The following PKN2 variants were observed in gnomAD, a reference collection of about 807,000 sequenced individuals.
The protein encoded by PKN2 is protein kinase N2.
PKN2 carries 38 observed loss-of-function variants against 119.1 expected under a neutral mutation model. That is an observed-to-expected ratio of 0.32 (90% CI 0.25 to 0.42). The LOEUF (loss-of-function observed/expected upper bound fraction) is 0.42. PKN2 is among the 10% of genes least tolerant of loss of function. The pLI is 1.00. For missense variants in PKN2, 850 were observed against 1,165.1 expected (o/e 0.73, Z 3.94); for synonymous variants, 390 against 384.9 (o/e 1.01, Z -0.15).
At chr1:88,735,562 G>T (rs1466761957) in intron 1 of PKN2, among the ~76,000 whole-genome samples, 1 of 146,420 alleles carries the variant, frequency 6.8e-6, no homozygotes, top group Non-Finnish European at 1.5e-5. Context: ...TATTTCTAAA[G>T]GATAGCTGTG....
chr1:88,793,404 ATATT>A (rs1308742242), intron 8 of PKN2, among the ~76,000 whole-genome samples: 1 of 152,114 alleles, frequency 6.6e-6, no homozygotes, highest in Non-Finnish European at 1.5e-5. Flanking sequence ...AGATTCCAGT[ATATT>A]TATTGAAAAA....
intron 1 of PKN2, among the ~76,000 whole-genome samples, chr1:88,685,879 T>G (rs1666074183): frequency 6.6e-6 from 1 of 152,222 alleles, no homozygotes; most frequent in South Asian, 2.1e-4. Flanking sequence ...CTTTATAAGT[T>G]TGGTTTCTTG....
At chr1:88,692,497 G>T (rs529802841) in intron 1 of PKN2, among the ~76,000 whole-genome samples, 1 of 152,270 alleles carries the variant, frequency 6.6e-6, no homozygotes, top group South Asian at 2.1e-4. Context: ...TGAAATAAAA[G>T]ATCCTTTGGT....
intron 1 of PKN2, among the ~76,000 whole-genome samples, chr1:88,700,479 A>G (rs1666728546): frequency 6.6e-6 from 1 of 152,142 alleles, no homozygotes; most frequent in African/African-American, 2.4e-5. Context: ...TAAGATCCCT[A>G]TTTTAGAATC....
intron 8 of PKN2, among the ~76,000 whole-genome samples, chr1:88,798,622 C>T (rs1226373443): frequency 6.6e-6 from 1 of 151,788 alleles, no homozygotes; most frequent in African/African-American, 2.4e-5. Context: ...GCCCAGAATA[C>T]AACACAAAAA....
chr1:88,688,538 A>G (rs1365922328), intron 1 of PKN2, among the ~76,000 whole-genome samples: 2 of 152,238 alleles, frequency 1.3e-5, no homozygotes, highest in Non-Finnish European at 2.9e-5. Flanking sequence ...TGTAACAAGG[A>G]AAAATGATTT....
chr1:88,816,471 T>A (rs757365066), intron 16 of PKN2, among the ~76,000 whole-genome samples: 16 of 152,048 alleles, frequency 1.1e-4, no homozygotes, highest in Non-Finnish European at 2.2e-4. Flanking sequence ...GGTCTCAAAC[T>A]CCTGACCTCA....
chr1:88,717,724 G>A (rs1426786574), intron 1 of PKN2, among the ~76,000 whole-genome samples: 3 of 151,886 alleles, frequency 2.0e-5, no homozygotes, highest in Non-Finnish European at 2.9e-5. Flanking sequence ...TAGCTTCCTT[G>A]CGATGGGTTC....
chr1:88,801,979 A>G (rs1671329705), intron 8 of PKN2, among the ~76,000 whole-genome samples: 1 of 152,242 alleles, frequency 6.6e-6, no homozygotes, highest in African/African-American at 2.4e-5. Flanking sequence ...GAGGAAGAGG[A>G]AGTTGCTTAT....
At chr1:88,752,660 A>G (rs1195500299) in intron 2 of PKN2, among the ~76,000 whole-genome samples, 1 of 152,114 alleles carries the variant, frequency 6.6e-6, no homozygotes, top group African/African-American at 2.4e-5. Flanking sequence ...ACTTACCTGT[A>G]ATCTTTCTGT....
chr1:88,795,901 C>T (rs183204565), intron 8 of PKN2, among the ~76,000 whole-genome samples: 7 of 152,286 alleles, frequency 4.6e-5, no homozygotes, highest in Non-Finnish European at 7.4e-5. Context: ...TCTCACACAG[C>T]GCTGCAAGGT....
chr1:88,798,012 G>T (rs1468659365), intron 8 of PKN2, among the ~76,000 whole-genome samples: 2 of 151,880 alleles, frequency 1.3e-5, no homozygotes, highest in Admixed American at 6.6e-5. Flanking sequence ...ATTTTAAGAA[G>T]AATTTTTAAA....
At chr1:88,685,439 C>A (rs956929144) in intron 1 of PKN2, among the ~76,000 whole-genome samples, 1 of 152,130 alleles carries the variant, frequency 6.6e-6, no homozygotes, top group Non-Finnish European at 1.5e-5. Flanking sequence ...ACATTGGGCA[C>A]CACATGTCTG....
intron 1 of PKN2, among the ~76,000 whole-genome samples, chr1:88,732,652 C>T (rs995104890): frequency 1.3e-5 from 2 of 151,986 alleles, no homozygotes; most frequent in African/African-American, 4.8e-5. Context: ...TTGAATTGAC[C>T]ATTCTATATA....
At chr1:88,778,188 G>T (rs1048392180) in intron 6 of PKN2, among the ~76,000 whole-genome samples, 14 of 152,162 alleles carry the variant, frequency 9.2e-5, no homozygotes, top group Non-Finnish European at 1.8e-4. Context: ...ACCACCTTGG[G>T]CACGTGTTGT....
At chr1:88,775,104 A>G (rs908029981) in intron 6 of PKN2, among the ~76,000 whole-genome samples, 3 of 152,078 alleles carry the variant, frequency 2.0e-5, no homozygotes, top group African/African-American at 7.2e-5. Flanking sequence ...AGCTGGGAGT[A>G]CAGGTGCACA....
At chr1:88,809,166 A>G (rs1233274376) in intron 15 of PKN2, among the ~76,000 whole-genome samples, 7 of 152,022 alleles carry the variant, frequency 4.6e-5, no homozygotes, top group African/African-American at 1.4e-4. Flanking sequence ...ACTGTTTCTC[A>G]TACACCTCAA....
intron 1 of PKN2, among the ~76,000 whole-genome samples, chr1:88,691,108 G>T (rs1348976830): frequency 6.6e-6 from 1 of 152,074 alleles, no homozygotes; most frequent in Admixed American, 6.6e-5. Context: ...CTGTCACCCA[G>T]CTTGAAGTGC....
chr1:88,746,092 A>AACCTTATACCTTTAT (rs1394367848), intron 2 of PKN2, among the ~76,000 whole-genome samples: 2 of 152,140 alleles, frequency 1.3e-5, no homozygotes, highest in South Asian at 2.1e-4. Context: ...TATACCTTTA[A>AACCTTATACCTTTAT]ACCTTATACC....
Sources: gnomAD v4.1 joint callset for allele counts (sites outside exome capture counted in the v4.1 genomes callset) on GRCh38, gnomAD v4.1.1 for gene constraint, MANE v1.5 for transcripts, NCBI Gene and HGNC (gene_info 2026-07-23, HGNC 2026-07-21) for gene names.